USP20: variants seen among roughly 807,000 people sequenced by gnomAD.
USP20 encodes ubiquitin carboxyl-terminal hydrolase 20.
Under a neutral mutation model 124.2 loss-of-function variants are expected in USP20, and 80 were observed. That is an observed-to-expected ratio of 0.64 (90% CI 0.54 to 0.78). The LOEUF (loss-of-function observed/expected upper bound fraction) is 0.78. Among genes scored for constraint, USP20 ranks in the 30% least tolerant of loss-of-function variants. USP20 has a pLI of 0.00. For missense variants in USP20, 1,043 were observed against 1,244.4 expected (o/e 0.84, Z 2.44); for synonymous variants, 481 against 512.3 (o/e 0.94, Z 0.83).
At chr9:129,868,732 C>T (rs1474678610) in intron 11 of USP20, 130 bp from the exon 12 acceptor site, 6 of 1,432,718 alleles carry the variant, frequency 4.2e-6, no homozygotes, top group Non-Finnish European at 2.8e-6. Flanking sequence ...CAGGAGTGGG[C>T]ACATGACAGA....
rs1284830265 is a variant in USP20 at position 129,880,208 on chromosome 9, C to T, written c.2680C>T (p.Gln894Ter). The T allele has an allele frequency of 1.2e-6, 2 of 1,613,674 alleles. No individual in the cohort carries two copies. Among genetic ancestry groups the T allele is most frequent in the Non-Finnish European group, 1.7e-6 (2 of 1,179,964 alleles). Residue 894 changes from glutamine (Q) to a stop codon, truncating the protein, a stop_gained, in exon 25 of 26, where the codon CAG becomes TAG. Coordinates refer to ENST00000372429, the MANE Select transcript of USP20 (RefSeq NM_001110303.4). LOFTEE classifies it high-confidence loss of function. Reference sequence around the variant, plus strand: ...GATTGCCATCCGCCAGAGTGTGGCGCAGCCGCTGGGCCCAGAGAACCTGCA... The same window carrying T: ...GATTGCCATCCGCCAGAGTGTGGCGTAGCCGCTGGGCCCAGAGAACCTGCA... ...PEIAIRQSVA[Q>*]PLGPENLHGE...
Position 129,880,093 on chromosome 9 carries a change from G to T in USP20, c.2585-20G>T. On this transcript the variant is annotated intron_variant, in intron 24 of 25. Transcript: ENST00000372429. Reference sequence around the variant, plus strand: ...TGAGGAGGCAAAGGTGAGCCTAGGGGTGCCTCTCGTGCCCTGCAGGAGCTG... The same window carrying T: ...TGAGGAGGCAAAGGTGAGCCTAGGGTTGCCTCTCGTGCCCTGCAGGAGCTG... 6.2e-7 allele frequency: 1 copy of T among 1,610,960 alleles called. No homozygotes were observed. Among genetic ancestry groups the T allele is most frequent in the Non-Finnish European group, 8.5e-7 (1 of 1,177,864 alleles).
At chr9:129,871,435 C>T (rs960416459) in intron 15 of USP20, among the ~76,000 whole-genome samples, 7 of 152,338 alleles carry the variant, frequency 4.6e-5, no homozygotes, top group African/African-American at 1.7e-4. Context: ...CGTCAGTGGA[C>T]ACTCAGGCCG....
chr9:129,868,115 C>T lies in USP20; in HGVS notation c.801C>T (p.Asp267=), dbSNP rs2033912122. The part of the protein sequence containing the change: ...LTEARDSDSS[D]TDEKREGDRS... ...AGGCTCGGGACTCAGATTCGAGTGACACGGATGAGAAACGGGAGGGTGACC... is the reference window on the plus strand; with the variant it reads ...AGGCTCGGGACTCAGATTCGAGTGATACGGATGAGAAACGGGAGGGTGACC... Residue 267 remains aspartate (D), a synonymous_variant, in exon 11 of 26, where the codon GAC becomes GAT. Transcript: ENST00000372429. The T allele has an allele frequency of 1.9e-6, 3 of 1,614,042 alleles. No homozygotes were observed. Among genetic ancestry groups the T allele is most frequent in the Non-Finnish European group, 2.5e-6 (3 of 1,180,034 alleles).
At chr9:129,867,924 C>A in intron 10 of USP20, 81 bp from the exon 11 acceptor site, 1 of 1,494,554 alleles carries the variant, frequency 6.7e-7, no homozygotes, top group South Asian at 1.3e-5. Context: ...TGGAGGCTGG[C>A]GCTCTCATCA....
intron 1 of USP20, among the ~76,000 whole-genome samples, chr9:129,841,066 C>T (rs1334549937): frequency 1.3e-5 from 2 of 152,204 alleles, no homozygotes; most frequent in Admixed American, 1.3e-4. Flanking sequence ...CCATCACTCC[C>T]GGCCTAGAAA....
intron 10 of USP20, 50 bp downstream of exon 10, chr9:129,865,431 G>A (rs2033776479): frequency 6.2e-7 from 1 of 1,605,090 alleles, no homozygotes; most frequent in Non-Finnish European, 8.5e-7. Flanking sequence ...GACCCACCAG[G>A]CCTGACTTTG....
chr9:129,875,229 G>C, intron 19 of USP20, 81 bp from the exon 20 acceptor site: 1 of 1,433,452 alleles, frequency 7.0e-7, no homozygotes, highest in Non-Finnish European at 9.3e-7. Context: ...GTAGCCCGAG[G>C]TGCACTGGGA....
rs1342986521 is a variant in USP20, at chr9:129,863,227, T to C, written c.539T>C (p.Val180Ala). ...TTCTTCTTGGAGTGTGGCGGCCTGG[T>C]GCGCACAGATAAGAAGCCAGCCCTG... Reference protein sequence around the residue: ...TQFFLECGGLVRTDKKPALCK... With the variant: ...TQFFLECGGLARTDKKPALCK... The change falls in exon 9 of 26, where the codon GTG becomes GCG. Residue 180 changes from valine (V) to alanine (A), a missense_variant. Physicochemically the swap from Val to Ala is moderately conservative, Grantham distance 64. Coordinates refer to ENST00000372429, the MANE Select transcript of USP20 (RefSeq NM_001110303.4). The C allele has an allele frequency of 3.9e-6, 6 of 1,549,818 alleles. No individual in the cohort carries two copies. Among genetic ancestry groups the C allele is most frequent in the Middle Eastern group, 1.7e-4 (1 of 5,952 alleles).
chr9:129,859,284 A>ATTTTATTTTATTTTATTTTATTTT (rs1554746154), intron 6 of USP20, among the ~76,000 whole-genome samples: 87 of 137,928 alleles, frequency 6.3e-4, no homozygotes, highest in Middle Eastern at 3.6e-3. Context: ...ATTTTATTTT[A>ATTTTATTTTATTTTATTTTATTTT]ATTTTTTGAG....
Position 129,865,336 on chromosome 9 carries a change from T to C in USP20, c.645T>C (p.His215=), listed in dbSNP as rs2033770843. 6.2e-7 allele frequency: 1 copy of C among 1,614,194 alleles called. No homozygotes were observed. The highest frequency in any genetic ancestry group is 8.5e-7 in the Non-Finnish European group (1 of 1,180,012). Residue 215 remains histidine, a synonymous_variant, in exon 10 of 26, where the codon CAT becomes CAC. Transcript: ENST00000372429. Reference sequence around the variant, plus strand: ...ACGTGGTCCCCACCAGTCTGTCTCATGGGATCAAGTTGGTCAACCCAATGT... The same window carrying C: ...ACGTGGTCCCCACCAGTCTGTCTCACGGGATCAAGTTGGTCAACCCAATGT... ...PSYVVPTSLS[H]GIKLVNPMFR... is the part of the protein sequence containing the mutation.
intron 22 of USP20, among the ~76,000 whole-genome samples, chr9:129,877,669 G>A (rs778999794): frequency 2.6e-5 from 4 of 152,070 alleles, no homozygotes; most frequent in Non-Finnish European, 5.9e-5. Flanking sequence ...CTGCACTCCC[G>A]CCTGGGCACA....
chr9:129,865,772 G>T (rs1432740679), intron 10 of USP20, among the ~76,000 whole-genome samples: 2 of 151,950 alleles, frequency 1.3e-5, no homozygotes, highest in African/African-American at 4.8e-5. Context: ...TCAAGCAGTC[G>T]TCCCACCTCA....
intron 8 of USP20, among the ~76,000 whole-genome samples, chr9:129,862,908 A>AATT (rs2033621654): frequency 1.8e-4 from 1 of 5,528 alleles, no homozygotes; most frequent in South Asian, 0.024. Flanking sequence ...TCTGTTTCAA[A>AATT]ATAATAATAA....
rs943713012 is a variant in USP20 at position 129,881,479 on chromosome 9, G to C, written c.*1029G>C. On this transcript the variant is annotated 3_prime_UTR_variant, in exon 26 of 26. Coordinates refer to ENST00000372429, the MANE Select transcript of USP20 (RefSeq NM_001110303.4). ...GACCATCATCAGGATCAAAGCAGAC[G>C]GGGCGTGGGTGGGGAAGGGGCTCTG... 3.9e-5 allele frequency: 6 copies of C among 152,254 alleles called. No homozygotes were observed. Among genetic ancestry groups the C allele is most frequent in the Non-Finnish European group, 7.3e-5 (5 of 68,060 alleles). 9.4% of individuals were successfully genotyped at this position (152,254 alleles called of 1,614,324 possible).
intron 25 of USP20, 67 bp downstream of exon 25, chr9:129,880,356 C>A: frequency 6.8e-7 from 1 of 1,473,688 alleles, no homozygotes; most frequent in Non-Finnish European, 9.0e-7. Flanking sequence ...GAGACCCTCA[C>A]ATGTCCTTTT....
chr9:129,846,903 A>G (rs546880147), intron 1 of USP20, among the ~76,000 whole-genome samples: 64 of 152,326 alleles, frequency 4.2e-4, no homozygotes, highest in Non-Finnish European at 7.8e-4. Context: ...TTGGGATTAC[A>G]GGCATGAACC....
chr9:129,869,167 C>T (rs2033987658), intron 12 of USP20, 143 bp from the exon 13 acceptor site: 1 of 1,317,010 alleles, frequency 7.6e-7, no homozygotes, highest in Admixed American at 2.1e-5. Flanking sequence ...GAGGATGACA[C>T]AGAGGCATGA....
At chr9:129,874,421 G>C (rs1351751430) in intron 17 of USP20, among the ~76,000 whole-genome samples, 155 bp from the exon 18 acceptor site, 2 of 152,164 alleles carry the variant, frequency 1.3e-5, no homozygotes, top group Non-Finnish European at 2.9e-5. Context: ...GTGTGACTTA[G>C]AGCGAGCCCA....
Sources: gnomAD v4.1 joint callset for allele counts (sites outside exome capture counted in the v4.1 genomes callset) on GRCh38, gnomAD v4.1.1 for gene constraint, MANE v1.5 for transcripts, NCBI Gene and HGNC (gene_info 2026-07-23, HGNC 2026-07-21) for gene names.